PCBP3: variants seen among roughly 807,000 people sequenced by gnomAD.
The protein encoded by PCBP3 is poly(rC) binding protein 3.
Under a neutral mutation model 52.7 loss-of-function variants are expected in PCBP3, and 25 were observed. That is an observed-to-expected ratio of 0.47 (90% CI 0.35 to 0.66). The LOEUF (loss-of-function observed/expected upper bound fraction) is 0.66, where lower values mean the gene tolerates loss of function less well. PCBP3 is among the 30% of genes least tolerant of loss of function. PCBP3 has a pLI of 0.01. For missense variants in PCBP3, 391 were observed against 490.3 expected (o/e 0.80, Z 1.91); for synonymous variants, 162 against 183.0 (o/e 0.89, Z 0.93).
intron 4 of PCBP3, among the ~76,000 whole-genome samples, chr21:45,780,176 G>A (rs578251380): frequency 9.8e-5 from 15 of 152,322 alleles, no homozygotes; most frequent in East Asian, 7.7e-4. Flanking sequence ...AACGTGAGGC[G>A]TTCTTTGTGA....
intron 2 of PCBP3, among the ~76,000 whole-genome samples, chr21:45,669,805 G>GTGTA (rs1228443065): frequency 5.4e-4 from 27 of 49,704 alleles, no homozygotes; most frequent in East Asian, 4.1e-3. Context: ...GTGTGTGTGT[G>GTGTA]TATATATATA....
chr21:45,910,700 G>T (rs2096370181), intron 10 of PCBP3, among the ~76,000 whole-genome samples: 1 of 152,116 alleles, frequency 6.6e-6, no homozygotes, highest in African/African-American at 2.4e-5. Flanking sequence ...CCGAGGGAAG[G>T]CACAGGGCCG....
At chr21:45,720,296 A>G (rs1214492580) in intron 2 of PCBP3, among the ~76,000 whole-genome samples, 2 of 147,902 alleles carry the variant, frequency 1.4e-5, no homozygotes, top group Non-Finnish European at 3.0e-5. Flanking sequence ...TTCAACTCCC[A>G]CTTATGAGTG....
chr21:45,693,284 C>T (rs778000836), intron 2 of PCBP3, among the ~76,000 whole-genome samples: 5 of 152,074 alleles, frequency 3.3e-5, no homozygotes, highest in African/African-American at 4.8e-5. Flanking sequence ...CCCACAATAA[C>T]GTGGGTGAAT....
rs78625505 is a variant in PCBP3 at position 45,917,718 on chromosome 21, A to T, written c.717+89A>T. ...CTGCTGTTAATTGCTACTAACATTA[A>T]TATTACACAATAATATTAATCAACT... is the stretch of plus-strand genomic sequence containing the variant. On this transcript the variant is annotated intron_variant, in intron 13 of 17. Coordinates refer to ENST00000681687, the MANE Select transcript of PCBP3 (RefSeq NM_001384156.1). The surrounding 1 kb of genome is among the most constrained non-coding windows in gnomAD (Gnocchi z 5.3). 1.0e-6 allele frequency: 1 copy of T among 986,270 alleles called. No homozygotes were observed. Among genetic ancestry groups the T allele is most frequent in the South Asian group, 1.3e-5 (1 of 78,606 alleles). 61.1% of individuals were successfully genotyped at this position (986,270 alleles called of 1,614,324 possible).
intron 4 of PCBP3, among the ~76,000 whole-genome samples, chr21:45,816,351 T>A (rs191764305): frequency 6.6e-6 from 1 of 152,180 alleles, no homozygotes; most frequent in African/African-American, 2.4e-5. Context: ...ACGCTTAGCT[T>A]AAAACACAAA....
rs2092249850 is a variant in PCBP3 at position 45,800,395 on chromosome 21, A to G, written c.-126+44943A>G. Among the ~76,000 whole-genome samples the G allele has an allele frequency of 6.6e-6, 1 of 151,486 alleles. No individual in the cohort carries two copies. Among genetic ancestry groups the G allele is most frequent in the African/African-American group, 2.4e-5 (1 of 41,446 alleles). On this transcript the variant is annotated intron_variant, in intron 4 of 17. Coordinates refer to ENST00000681687, the MANE Select transcript of PCBP3 (RefSeq NM_001384156.1). This position sits in a 1 kb window ranked among gnomAD's most constrained non-coding sequence, Gnocchi z 5.3. ...TGATGTCGCCTTTGTAGACAAAGGA[A>G]GAGACCTTGGAACCTGAGGGTAAAT...
chr21:45,658,938 A>G (rs1320832384), intron 1 of PCBP3, among the ~76,000 whole-genome samples: 1 of 151,290 alleles, frequency 6.6e-6, no homozygotes, highest in African/African-American at 2.4e-5. Context: ...TATCTAATTT[A>G]TTGGCCATCA....
chr21:45,761,985 G>A (rs1435637125), intron 4 of PCBP3: 1 of 152,246 alleles, frequency 6.6e-6, no homozygotes, highest in African/African-American at 2.4e-5. Context: ...ACAGGCTCGT[G>A]CATTGTGTAT....
chr21:45,911,185 G>A (rs757593838), intron 11 of PCBP3, 155 bp downstream of exon 11: 15 of 817,850 alleles, frequency 1.8e-5, no homozygotes, highest in Non-Finnish European at 2.0e-6. Flanking sequence ...CGAGAGCGGT[G>A]CCGGTATGGG....
intron 4 of PCBP3, among the ~76,000 whole-genome samples, chr21:45,757,641 A>G (rs948930862): frequency 6.6e-6 from 1 of 152,144 alleles, no homozygotes; most frequent in Admixed American, 6.5e-5. Flanking sequence ...TCCTCTAAGA[A>G]GTTTGTAGTC....
intron 2 of PCBP3, among the ~76,000 whole-genome samples, chr21:45,695,236 GAA>G (rs2082699188): frequency 1.3e-5 from 2 of 152,328 alleles, no homozygotes; most frequent in African/African-American, 4.8e-5. Flanking sequence ...TGGACCCTAA[GAA>G]AATTCCTCCT....
At chr21:45,866,151 T>C (rs1333104049) in intron 5 of PCBP3, among the ~76,000 whole-genome samples, 2 of 152,218 alleles carry the variant, frequency 1.3e-5, no homozygotes, top group African/African-American at 4.8e-5. Context: ...CCTGAGAACC[T>C]TCTGGACCTT....
At chr21:45,891,382 G>A (rs1230901098) in intron 5 of PCBP3, among the ~76,000 whole-genome samples, 2 of 152,228 alleles carry the variant, frequency 1.3e-5, no homozygotes, top group African/African-American at 4.8e-5. Context: ...AGAGCCAGTG[G>A]TGGTTTTTTC....
At position 45,735,784 on chromosome 21, in the gene PCBP3, G is replaced by A. The variant is rs781027319; in HGVS notation, c.-162+355G>A. Among the ~76,000 whole-genome samples the A allele has an allele frequency of 1.7e-4, 26 of 152,146 alleles. No homozygotes were observed. Among genetic ancestry groups the A allele is most frequent in the Admixed American group, 6.5e-4 (10 of 15,272 alleles). On this transcript the variant is annotated intron_variant, in intron 3 of 17. Transcript: ENST00000681687. The surrounding 1 kb of genome is among the most constrained non-coding windows in gnomAD (Gnocchi z 4.0). ...TTGGAGCCTACTGCACGAGCCTACC[G>A]CACAAGCCTACCGCACGCCTTTGTT...
chr21:45,739,317 C>T (rs2086191701), intron 3 of PCBP3, among the ~76,000 whole-genome samples: 1 of 110,558 alleles, frequency 9.0e-6, no homozygotes, highest in Non-Finnish European at 1.8e-5. Context: ...GTGCATTGTC[C>T]TCTGGGTGGC....
rs201400266 is a variant in PCBP3 at position 45,941,729 on chromosome 21, G to T, written c.*23G>T. The T allele has an allele frequency of 1.9e-6, 3 of 1,593,474 alleles. No individual in the cohort carries two copies. The highest frequency in any genetic ancestry group is 1.7e-6 in the Non-Finnish European group (2 of 1,169,218). ...TAATCCTACCCAGCACCCTTCCCCC[G>T]CGTCACCCACCTGCCAGAGCCTAAG... On this transcript the variant is annotated 3_prime_UTR_variant, in exon 18 of 18. Coordinates refer to ENST00000681687, the MANE Select transcript of PCBP3 (RefSeq NM_001384156.1).
chr21:45,796,530 TTGTC>T (rs1443289128), intron 4 of PCBP3, among the ~76,000 whole-genome samples: 1 of 152,186 alleles, frequency 6.6e-6, no homozygotes, highest in Non-Finnish European at 1.5e-5. Flanking sequence ...TTTCCATTTT[TTGTC>T]TGTTGTGTTT....
chr21:45,671,981 A>G (rs1467857109), intron 2 of PCBP3, among the ~76,000 whole-genome samples: 1 of 151,986 alleles, frequency 6.6e-6, no homozygotes, highest in Admixed American at 6.6e-5. Context: ...TGGGAGTGCT[A>G]TGGTTTGAAT....
Sources: allele counts gnomAD v4.1 joint callset (sites outside exome capture counted in the v4.1 genomes callset), GRCh38; gene constraint gnomAD v4.1.1; non-coding constraint Gnocchi (gnomAD v3.1); transcripts MANE v1.5; gene names NCBI Gene and HGNC (gene_info 2026-07-23, HGNC 2026-07-21).